NRG1: variants seen among roughly 807,000 people sequenced by gnomAD.
NRG1 encodes the protein pro-neuregulin-1, membrane-bound isoform.
In NRG1, 18 loss-of-function variants were observed where a neutral mutation model predicts 63.8. That is an observed-to-expected ratio of 0.28 (90% CI 0.19 to 0.42). The LOEUF (loss-of-function observed/expected upper bound fraction) is 0.42. Among genes scored for constraint, NRG1 ranks in the 10% least tolerant of loss-of-function variants. NRG1 has a pLI of 1.00. For missense variants in NRG1, 762 were observed against 814.7 expected (o/e 0.94, Z 0.79); for synonymous variants, 302 against 301.3 (o/e 1.00, Z -0.02).
intron 8 of NRG1, 105 bp from the exon 9 acceptor site, chr8:32,756,298 T>G: frequency 3.1e-6 from 4 of 1,280,868 alleles, no homozygotes; most frequent in Non-Finnish European, 4.3e-6. Flanking sequence ...TCATCACCAG[T>G]CTACTGCCTT....
At chr8:32,435,402 TC>T in intron 1 of NRG1, among the ~76,000 whole-genome samples, 1 of 152,308 alleles carries the variant, frequency 6.6e-6, no homozygotes, top group Non-Finnish European at 1.5e-5. Flanking sequence ...ATAGCTCAAG[TC>T]AATGAATTAG....
chr8:32,671,618 AC>A (rs1246359412), intron 5 of NRG1, among the ~76,000 whole-genome samples: 2 of 152,192 alleles, frequency 1.3e-5, no homozygotes, highest in African/African-American at 4.8e-5. Context: ...AATTTCTTCC[AC>A]CTTTTTCTTG....
At chr8:31,739,285 C>A (rs1815023838) in intron 1 of NRG1, among the ~76,000 whole-genome samples, 1 of 152,032 alleles carries the variant, frequency 6.6e-6, no homozygotes, top group African/African-American at 2.4e-5. Context: ...TTGGTACATT[C>A]ATGGAATGTT....
At chr8:32,632,069 T>G (rs1473205112) in intron 5 of NRG1, among the ~76,000 whole-genome samples, 2 of 152,202 alleles carry the variant, frequency 1.3e-5, no homozygotes, top group South Asian at 2.1e-4. Flanking sequence ...CTTCAAAGTG[T>G]TTATAAACTT....
At chr8:32,097,892 A>C (rs1223804961) in intron 1 of NRG1, among the ~76,000 whole-genome samples, 2 of 152,230 alleles carry the variant, frequency 1.3e-5, no homozygotes, top group East Asian at 3.8e-4. Context: ...GAAGATGAAA[A>C]GAATTGCCTA....
At chr8:32,186,206 T>C (rs1432162580) in intron 1 of NRG1, among the ~76,000 whole-genome samples, 1 of 152,122 alleles carries the variant, frequency 6.6e-6, no homozygotes, top group African/African-American at 2.4e-5. Context: ...GGCTCACGCC[T>C]GTAATCCCAA....
chr8:31,716,793 TTAATC>T lies in NRG1; in HGVS notation c.37+77363_37+77367del, dbSNP rs554058765. 2.3e-3 allele frequency among the ~76,000 whole-genome samples: 348 copies of T among 152,336 alleles called. 2 individuals carry two copies. The highest frequency in any genetic ancestry group is 8.0e-3 in the African/African-American group (331 of 41,586). On this transcript the variant is annotated intron_variant, in intron 1 of 10. Transcript: ENST00000519301. ...GGTAAAGTCTTGGAGAGTGGCAAGT[TTAATC>T]AAACAGTAACGCTATCAGAGATAAA...
chr8:32,633,258 A>G (rs959894193), intron 5 of NRG1, among the ~76,000 whole-genome samples: 1 of 152,192 alleles, frequency 6.6e-6, no homozygotes, highest in South Asian at 2.1e-4. Context: ...AAAACAATCA[A>G]GACAACAGCT....
chr8:31,835,675 G>T (rs1462851749), intron 1 of NRG1, among the ~76,000 whole-genome samples: 1 of 152,104 alleles, frequency 6.6e-6, no homozygotes, highest in East Asian at 1.9e-4. Context: ...TCCCATTATA[G>T]TTGCCCTTGC....
intron 5 of NRG1, among the ~76,000 whole-genome samples, chr8:32,707,411 A>G (rs946548034): frequency 2.6e-5 from 4 of 152,080 alleles, no homozygotes. Context: ...TCACTATAGC[A>G]AAATGCCTTC....
At chr8:32,044,121 G>A (rs573627106) in intron 1 of NRG1, among the ~76,000 whole-genome samples, 2 of 151,868 alleles carry the variant, frequency 1.3e-5, no homozygotes, top group South Asian at 4.1e-4. Flanking sequence ...TATAAACCAT[G>A]CAAACATTAA....
chr8:32,352,912 T>G (rs565873750), intron 1 of NRG1, among the ~76,000 whole-genome samples: 6,757 of 140,838 alleles, frequency 0.048, 473 homozygotes, highest in African/African-American at 0.15. Flanking sequence ...TATATATATA[T>G]ATAGAGAGAG....
At chr8:32,340,186 T>C (rs1378708981) in intron 1 of NRG1, among the ~76,000 whole-genome samples, 1 of 152,230 alleles carries the variant, frequency 6.6e-6, no homozygotes. Flanking sequence ...GTGTGCAACA[T>C]TTAAAACAAT....
At chr8:32,045,210 C>T (rs944279799) in intron 1 of NRG1, among the ~76,000 whole-genome samples, 1 of 151,808 alleles carries the variant, frequency 6.6e-6, no homozygotes, top group South Asian at 2.1e-4. Context: ...GCAAGCACAA[C>T]TTAATTAGTA....
intron 6 of NRG1, among the ~76,000 whole-genome samples, chr8:32,738,243 G>A (rs1390862293): frequency 6.6e-6 from 1 of 152,092 alleles, no homozygotes; most frequent in Non-Finnish European, 1.5e-5. Flanking sequence ...GCATAGAAGT[G>A]GGTGATGGGG....
chr8:32,021,526 C>T (rs1237657823), intron 1 of NRG1, among the ~76,000 whole-genome samples: 11 of 152,140 alleles, frequency 7.2e-5, no homozygotes, highest in Admixed American at 7.2e-4. Flanking sequence ...CAAACACCTC[C>T]CAATAGGCCC....
At chr8:32,145,910 T>C (rs1256096381) in intron 1 of NRG1, among the ~76,000 whole-genome samples, 2 of 152,212 alleles carry the variant, frequency 1.3e-5, no homozygotes, top group Admixed American at 1.3e-4. Context: ...AACCATAAGA[T>C]GCCGCATACT....
chr8:32,671,055 AT>A (rs1327449374), intron 5 of NRG1, among the ~76,000 whole-genome samples: 5 of 152,072 alleles, frequency 3.3e-5, no homozygotes, highest in Admixed American at 3.3e-4. Context: ...GACAACACAC[AT>A]AGGAAACTTT....
intron 1 of NRG1, among the ~76,000 whole-genome samples, chr8:32,160,763 T>C (rs1250026646): frequency 6.6e-6 from 1 of 152,248 alleles, no homozygotes; most frequent in Non-Finnish European, 1.5e-5. Flanking sequence ...TATTAAAATG[T>C]ATTAAAACCA....
Sources: gnomAD v4.1 joint callset for allele counts (sites outside exome capture counted in the v4.1 genomes callset) on GRCh38, gnomAD v4.1.1 for gene constraint, MANE v1.5 for transcripts, NCBI Gene and HGNC (gene_info 2026-07-23, HGNC 2026-07-21) for gene names.